The following CPVL variants were observed in gnomAD, a reference collection of about 807,000 sequenced individuals.
CPVL encodes the protein probable serine carboxypeptidase CPVL.
Under a neutral mutation model 63.7 loss-of-function variants are expected in CPVL, and 51 were observed. That is an observed-to-expected ratio of 0.80 (90% CI 0.64 to 1.01). The LOEUF is 1.01. Ranked by LOEUF, CPVL falls within the 50% of genes least tolerant of loss-of-function variation. The pLI is 0.00. For synonymous variants in CPVL, 195 were observed against 206.0 expected, an observed-to-expected ratio of 0.95 and a Z score of 0.46; for missense variants, 530 against 573.1, an observed-to-expected ratio of 0.92 and a Z score of 0.77.
In CPVL at chr7:29,133,712, T is replaced by C. The variant is rs1020066244; in HGVS notation, c.-10-12641A>G. Among the ~76,000 whole-genome samples the C allele has an allele frequency of 9.9e-5, 15 of 152,258 alleles. 1 individual carries two copies. The highest frequency in any genetic ancestry group is 9.8e-4 in the Admixed American group (15 of 15,282). On this transcript the variant is annotated intron_variant, in intron 1 of 12. Coordinates refer to ENST00000265394, the MANE Select transcript of CPVL (RefSeq NM_031311.5). ...CTAAAATGAGAGTAAAGACATTTTT[T>C]AAAGTTATAAATCCCAATACCCAAG...
intron 1 of CPVL, among the ~76,000 whole-genome samples, chr7:29,123,975 A>C (rs926958993): frequency 1.3e-5 from 2 of 152,102 alleles, no homozygotes; most frequent in African/African-American, 4.8e-5. Flanking sequence ...ATTAACATTT[A>C]ATCAAATAAC....
intron 1 of CPVL, among the ~76,000 whole-genome samples, chr7:29,143,171 CA>C (rs1792082966): frequency 6.6e-6 from 1 of 152,332 alleles, no homozygotes; most frequent in South Asian, 2.1e-4. Flanking sequence ...GATACAACTT[CA>C]ACATAACTTT....
intron 3 of CPVL, among the ~76,000 whole-genome samples, chr7:29,106,820 T>C (rs149944206): frequency 3.0e-4 from 46 of 152,330 alleles, no homozygotes; most frequent in African/African-American, 1.0e-3. Context: ...CTATGTTAGT[T>C]ATCTAATGCC....
At chr7:29,132,445 G>A (rs1167651364) in intron 1 of CPVL, among the ~76,000 whole-genome samples, 1 of 152,108 alleles carries the variant, frequency 6.6e-6, no homozygotes, top group Admixed American at 6.5e-5. Flanking sequence ...CCTCCGTAGG[G>A]GTAGGGTGTC....
At chr7:29,178,113 A>G (rs1797596526) in intron 5 of CPVL, among the ~76,000 whole-genome samples, 1 of 152,174 alleles carries the variant, frequency 6.6e-6, no homozygotes, top group Non-Finnish European at 1.5e-5. Context: ...GTGTCTTGCC[A>G]TCTCCACTGC....
At chr7:29,195,116 C>A (rs918983935) in exon 1 of CPVL, 14 of 986,944 alleles carry the variant, frequency 1.4e-5, no homozygotes, top group Non-Finnish European at 2.0e-5. Context: ...TGGGGGCAGG[C>A]GTCCGGGGTG....
In CPVL at chr7:29,088,640, A is replaced by G. The variant is rs973749819; in HGVS notation, c.543-2090T>C. Reference sequence around the variant, plus strand: ...GAGCATTTTCTAGAAAATAGAATCTAGAATCAAGCCCACATGAAATTACAA... The same window carrying G: ...GAGCATTTTCTAGAAAATAGAATCTGGAATCAAGCCCACATGAAATTACAA... On this transcript the variant is annotated intron_variant, in intron 6 of 12. Transcript: ENST00000265394. 2.6e-5 allele frequency among the ~76,000 whole-genome samples: 4 copies of G among 152,322 alleles called. No individual in the cohort carries two copies. In the East Asian group the frequency reaches 7.7e-4, roughly 29 times the overall value.
chr7:29,103,739 G>T (rs187806219), intron 3 of CPVL, among the ~76,000 whole-genome samples: 1 of 152,236 alleles, frequency 6.6e-6, no homozygotes, highest in Non-Finnish European at 1.5e-5. Context: ...GGAATGCCAC[G>T]CTTGGTTAGA....
chr7:29,176,679 G>T (rs528694200), intron 5 of CPVL, among the ~76,000 whole-genome samples: 2 of 152,150 alleles, frequency 1.3e-5, no homozygotes, highest in Non-Finnish European at 2.9e-5. Context: ...AAAGAATTTT[G>T]AGCCAAGAAA....
chr7:29,008,408 A>T (rs762431476), intron 12 of CPVL, among the ~76,000 whole-genome samples: 21 of 152,186 alleles, frequency 1.4e-4, no homozygotes, highest in Non-Finnish European at 1.8e-4. Flanking sequence ...ATTGGTGAGG[A>T]AGGAGACTAG....
At chr7:29,158,340 T>C (rs1794707823) in intron 5 of CPVL, among the ~76,000 whole-genome samples, 1 of 152,218 alleles carries the variant, frequency 6.6e-6, no homozygotes, top group Non-Finnish European at 1.5e-5. Flanking sequence ...TGCTACTTTT[T>C]ATTGCTGTAG....
intron 11 of CPVL, among the ~76,000 whole-genome samples, chr7:29,046,596 C>T (rs902609647): frequency 1.3e-4 from 19 of 151,744 alleles, no homozygotes; most frequent in African/African-American, 3.6e-4. Context: ...CACACACATA[C>T]TCATACACGG....
At chr7:29,146,577 G>A (rs1349681786), upstream of CPVL, 2 of 1,548,302 alleles carry the variant, frequency 1.3e-6, no homozygotes, top group African/African-American at 2.7e-5. Context: ...CGCTCCTCTA[G>A]GCTCACATGA....
chr7:29,049,917 C>G (rs1464721147), intron 11 of CPVL, among the ~76,000 whole-genome samples: 2 of 152,118 alleles, frequency 1.3e-5, no homozygotes, highest in Non-Finnish European at 2.9e-5. Flanking sequence ...AAACAAAAAT[C>G]ACATGATCAT....
intron 1 of CPVL, among the ~76,000 whole-genome samples, chr7:29,138,700 C>A (rs191946645): frequency 6.6e-6 from 1 of 152,188 alleles, no homozygotes; most frequent in South Asian, 2.1e-4. Flanking sequence ...GGCCACTCTG[C>A]AGCTGCAGTA....
chr7:29,092,583 T>G, intron 6 of CPVL, 40 bp downstream of exon 6: 1 of 1,412,238 alleles, frequency 7.1e-7, no homozygotes, highest in South Asian at 1.2e-5. Context: ...AGAAAAATGT[T>G]TGGTCTTAGG....
intron 11 of CPVL, among the ~76,000 whole-genome samples, chr7:29,056,949 C>CTTTTTTTTTTTTTTTTTTTTTTTTTTT: frequency 8.5e-6 from 1 of 118,050 alleles, no homozygotes. Context: ...TTTTCCTTTT[C>CTTTTTTTTTTTTTTTTTTTTTTTTTTT]TTTTTTTTTT....
chr7:29,071,118 A>AC (rs1002889755), intron 9 of CPVL, among the ~76,000 whole-genome samples: 3 of 152,148 alleles, frequency 2.0e-5, no homozygotes, highest in Admixed American at 1.3e-4. Context: ...GCAAAAAAAA[A>AC]CAAAAAAAAC....
At chr7:29,188,541 T>TA (rs200976369) in intron 1 of CPVL, among the ~76,000 whole-genome samples, 25 of 151,904 alleles carry the variant, frequency 1.6e-4, no homozygotes, top group Admixed American at 8.5e-4. Flanking sequence ...ATTTTTTTTT[T>TA]AAAAAAAAGA....
Sources: allele counts gnomAD v4.1 joint callset (sites outside exome capture counted in the v4.1 genomes callset), GRCh38; gene constraint gnomAD v4.1.1; transcripts MANE v1.5; gene names NCBI Gene and HGNC (gene_info 2026-07-23, HGNC 2026-07-21).